FRAS1: variants seen among roughly 807,000 people sequenced by gnomAD.
FRAS1 encodes the protein Fraser extracellular matrix complex subunit 1.
A neutral mutation model predicts 435.2 loss-of-function variants in FRAS1; 290 were observed. That is an observed-to-expected ratio of 0.67 (90% CI 0.61 to 0.73). The LOEUF (loss-of-function observed/expected upper bound fraction) is 0.73, where lower values mean the gene tolerates loss of function less well. Ranked by LOEUF, FRAS1 falls within the 30% of genes least tolerant of loss-of-function variation. The pLI is 0.00. For synonymous variants in FRAS1, 1,800 were observed against 1,851.0 expected (o/e 0.97, Z 0.71); for missense variants, 4,860 against 5,001.5 (o/e 0.97, Z 0.85).
At chr4:78,114,089 C>A (rs550632179) in intron 2 of FRAS1, among the ~76,000 whole-genome samples, 2 of 152,240 alleles carry the variant, frequency 1.3e-5, no homozygotes, top group East Asian at 1.9e-4. Context: ...ATAGGGAATT[C>A]TTTCCCCATT....
intron 33 of FRAS1, among the ~76,000 whole-genome samples, chr4:78,420,879 C>CATATATGTGT (rs1314034222): frequency 2.1e-5 from 2 of 95,484 alleles, no homozygotes; most frequent in Admixed American, 2.5e-4. Context: ...ACTAATAGGA[C>CATATATGTGT]ATATATATAT....
chr4:78,334,268 G>T (rs2110260306), intron 19 of FRAS1, among the ~76,000 whole-genome samples: 1 of 148,708 alleles, frequency 6.7e-6, no homozygotes, highest in African/African-American at 2.5e-5. Flanking sequence ...ATTCCTTTTT[G>T]ATCTACTTTT....
chr4:78,425,484 T>A (rs995522182), intron 35 of FRAS1, among the ~76,000 whole-genome samples: 2 of 152,228 alleles, frequency 1.3e-5, no homozygotes, highest in African/African-American at 4.8e-5. Context: ...TGGGATTGAC[T>A]ATTCCATTAG....
At chr4:78,403,054 T>C (rs1440375232) in intron 30 of FRAS1, among the ~76,000 whole-genome samples, 2 of 152,220 alleles carry the variant, frequency 1.3e-5, no homozygotes, top group African/African-American at 2.4e-5. Context: ...TTTTTCCATT[T>C]GTAATTAGTA....
Position 78,283,026 on chromosome 4 carries a change from A to T in FRAS1, c.1255+59A>T, listed in dbSNP as rs1727409500. 3 of 1,278,770 alleles carry T rather than the reference A, an allele frequency of 2.3e-6. No individual in the cohort carries two copies. In the East Asian group the frequency reaches 8.8e-5, roughly 37 times the overall value. The allele number at this position is 1,278,770 out of a possible 1,614,324, so 79.2% of individuals were successfully genotyped here. A position where few individuals can be genotyped will look rare whatever the true frequency, so the allele number is the denominator to read the frequency against. On this transcript the variant is annotated intron_variant, in intron 12 of 73. Coordinates refer to ENST00000512123, the MANE Select transcript of FRAS1 (RefSeq NM_025074.7). ...AGTTTTACTGCCAAAAAGCTCAGAG[A>T]TCCTCTTCCCCACCCCCTTGCTTCT...
Position 78,424,377 on chromosome 4 carries a change from T to C in FRAS1, c.4679-11T>C. 1 of 1,452,838 alleles carries C rather than the reference T, an allele frequency of 6.9e-7. No homozygotes were observed. The highest frequency in any genetic ancestry group is 1.4e-5 in the South Asian group (1 of 71,522). The allele number at this position is 1,452,838 out of a possible 1,614,324, so 90.0% of individuals were successfully genotyped here. ...TGTTTAATATACTGATTGTCTCTCTTACTCTTTTAGGTCTCCCAGAATCAG... is the reference window on the plus strand; with the variant it reads ...TGTTTAATATACTGATTGTCTCTCTCACTCTTTTAGGTCTCCCAGAATCAG... On this transcript the variant is annotated splice_polypyrimidine_tract_variant and intron_variant, in intron 34 of 73. Coordinates refer to ENST00000512123, the MANE Select transcript of FRAS1 (RefSeq NM_025074.7).
intron 40 of FRAS1, among the ~76,000 whole-genome samples, chr4:78,440,070 C>T (rs1032632465): frequency 2.2e-5 from 3 of 136,726 alleles, no homozygotes; most frequent in East Asian, 2.1e-4. Flanking sequence ...GTCGCCCAGG[C>T]GGGACTGCGG....
chr4:78,354,463 A>G (rs1730771736), intron 20 of FRAS1, among the ~76,000 whole-genome samples: 1 of 152,166 alleles, frequency 6.6e-6, no homozygotes, highest in Non-Finnish European at 1.5e-5. Flanking sequence ...ATCAAAAGGG[A>G]AAGAGATAGG....
intron 2 of FRAS1, among the ~76,000 whole-genome samples, chr4:78,229,217 T>A (rs1578196733): frequency 6.6e-6 from 1 of 152,252 alleles, no homozygotes; most frequent in East Asian, 1.9e-4. Context: ...AAAATGGAGA[T>A]GATAAAATCT....
rs1278540593 is a variant in FRAS1 at position 78,343,660 on chromosome 4, G to T, written c.2422+5843G>T. Among the ~76,000 whole-genome samples, 3 of 152,170 alleles carry T rather than the reference G, an allele frequency of 2.0e-5. No individual in the cohort carries two copies. The South Asian group carries it at 6.2e-4, about 32-fold the overall frequency. On this transcript the variant is annotated intron_variant, in intron 20 of 73. Coordinates refer to ENST00000512123, the MANE Select transcript of FRAS1 (RefSeq NM_025074.7). Reference sequence around the variant, plus strand: ...AGGGCACTAAAAATGTGGTGAAAAAGTAAAATTGCTCAAATTTAAAGAGCA... The same window carrying T: ...AGGGCACTAAAAATGTGGTGAAAAATTAAAATTGCTCAAATTTAAAGAGCA...
intron 60 of FRAS1, among the ~76,000 whole-genome samples, chr4:78,498,677 T>C (rs1399383537): frequency 2.0e-5 from 3 of 152,000 alleles, no homozygotes; most frequent in Admixed American, 6.6e-5. Flanking sequence ...AAGTAGAAAT[T>C]TCTGCCATAT....
intron 2 of FRAS1, among the ~76,000 whole-genome samples, chr4:78,132,852 T>C (rs1428837250): frequency 6.6e-6 from 1 of 152,158 alleles, no homozygotes; most frequent in Non-Finnish European, 1.5e-5. Flanking sequence ...GGGGAGATAC[T>C]AGGGCCTGCA....
chr4:78,522,058 A>AT (rs1159029557), intron 68 of FRAS1, among the ~76,000 whole-genome samples: 5 of 152,260 alleles, frequency 3.3e-5, no homozygotes, highest in South Asian at 2.1e-4. Flanking sequence ...CATATGTTAC[A>AT]TTTTGATTGT....
intron 24 of FRAS1, 58 bp from the exon 25 acceptor site, chr4:78,374,053 G>T: frequency 6.7e-7 from 1 of 1,501,154 alleles, no homozygotes; most frequent in Non-Finnish European, 9.0e-7. Context: ...TTTCCACAAA[G>T]GCCTGGAGCC....
At chr4:78,342,513 T>C (rs1730433135) in intron 20 of FRAS1, among the ~76,000 whole-genome samples, 1 of 152,200 alleles carries the variant, frequency 6.6e-6, no homozygotes, top group Non-Finnish European at 1.5e-5. Flanking sequence ...TTACTTTCTA[T>C]ATGGAAAGCC....
In FRAS1 at chr4:78,379,969, G is replaced by T; in HGVS notation, c.3536G>T (p.Arg1179Leu). The change falls in exon 27 of 74, where the codon CGT becomes CTT. Residue 1179 changes from arginine (R) to leucine (L), a missense_variant. Physicochemically the swap from Arg to Leu is moderately radical, Grantham distance 102. Coordinates refer to ENST00000512123, the MANE Select transcript of FRAS1 (RefSeq NM_025074.7). ...SWKDVNEKKV[R>L]FVHSKEKLRK... ...AAAGATGTGAACGAGAAGAAAGTGC[G>T]TTTTGTGCACAGCAAAGAAAAACTC... is the stretch of plus-strand genomic sequence containing the variant. The T allele has an allele frequency of 6.2e-7, 1 of 1,613,384 alleles. No individual in the cohort carries two copies. The highest frequency in any genetic ancestry group is 8.5e-7 in the Non-Finnish European group (1 of 1,179,722).
intron 31 of FRAS1, among the ~76,000 whole-genome samples, chr4:78,409,350 C>T (rs1275206713): frequency 1.3e-5 from 2 of 151,916 alleles, no homozygotes; most frequent in South Asian, 2.1e-4. Flanking sequence ...AATAACCTAT[C>T]AAAACTTAAA....
intron 47 of FRAS1, among the ~76,000 whole-genome samples, chr4:78,458,836 G>A (rs1206387527): frequency 6.6e-6 from 1 of 152,118 alleles, no homozygotes; most frequent in Non-Finnish European, 1.5e-5. Flanking sequence ...AGCTGTGACT[G>A]TTCCAGTTAT....
intron 70 of FRAS1, among the ~76,000 whole-genome samples, chr4:78,529,658 C>T (rs1251601195): frequency 6.6e-6 from 1 of 152,158 alleles, no homozygotes; most frequent in African/African-American, 2.4e-5. Flanking sequence ...TGAAACCACA[C>T]ATAATACCAA....
Sources: gnomAD v4.1 joint callset for allele counts (sites outside exome capture counted in the v4.1 genomes callset) on GRCh38, gnomAD v4.1.1 for gene constraint, MANE v1.5 for transcripts, NCBI Gene and HGNC (gene_info 2026-07-23, HGNC 2026-07-21) for gene names.